The following LPP variants were observed in gnomAD, a reference collection of about 807,000 sequenced individuals.
The protein encoded by LPP is LIM domain containing preferred translocation partner in lipoma, also known as lipoma-preferred partner.
Under a neutral mutation model 60.4 loss-of-function variants are expected in LPP, and 38 were observed. That is an observed-to-expected ratio of 0.63 (90% CI 0.49 to 0.83). LPP has a LOEUF of 0.83. LPP is among the 40% of genes least tolerant of loss of function. LPP has a pLI of 0.00. For synonymous variants in LPP, 328 were observed against 290.8 expected, an observed-to-expected ratio of 1.13 and a Z score of -1.30; for missense variants, 902 against 783.6, an observed-to-expected ratio of 1.15 and a Z score of -1.80.
At chr3:188,319,047 C>T (rs994714178) in intron 2 of LPP, among the ~76,000 whole-genome samples, 13 of 151,962 alleles carry the variant, frequency 8.6e-5, no homozygotes, top group African/African-American at 2.9e-4. Context: ...CGTGAGCCAC[C>T]GCGCCCGGCC....
At chr3:188,399,185 A>G (rs137959190) in intron 3 of LPP, among the ~76,000 whole-genome samples, 1 of 152,334 alleles carries the variant, frequency 6.6e-6, no homozygotes, top group East Asian at 1.9e-4. Context: ...AGCCAAGACT[A>G]GAAGCTGGGT....
chr3:188,430,350 C>T (rs916879352), intron 4 of LPP, among the ~76,000 whole-genome samples: 1 of 152,042 alleles, frequency 6.6e-6, no homozygotes, highest in African/African-American at 2.4e-5. Flanking sequence ...TTTAAGTTAT[C>T]TTACAGCTCT....
At chr3:188,208,464 C>T (rs1733878985) in intron 1 of LPP, 2 of 152,222 alleles carry the variant, frequency 1.3e-5, no homozygotes. Context: ...CTTGAAATAC[C>T]TTGTGCCCTT....
chr3:188,606,237 C>G (rs1282446663), intron 6 of LPP, among the ~76,000 whole-genome samples: 2 of 152,138 alleles, frequency 1.3e-5, no homozygotes, highest in Non-Finnish European at 2.9e-5. Context: ...GACTCCTCTG[C>G]AATTACATGG....
chr3:188,237,957 A>G (rs1011866037), intron 2 of LPP, among the ~76,000 whole-genome samples: 14 of 152,226 alleles, frequency 9.2e-5, no homozygotes, highest in Admixed American at 9.2e-4. Context: ...CCTGGATGGC[A>G]TCTTCTTTCA....
intron 6 of LPP, among the ~76,000 whole-genome samples, chr3:188,603,896 T>C (rs1272868261): frequency 6.6e-6 from 1 of 152,234 alleles, no homozygotes; most frequent in African/African-American, 2.4e-5. Flanking sequence ...TCAATTGTAT[T>C]GTACAAATGA....
At chr3:188,587,484 A>C (rs979531195) in intron 6 of LPP, among the ~76,000 whole-genome samples, 1 of 152,206 alleles carries the variant, frequency 6.6e-6, no homozygotes, top group Admixed American at 6.5e-5. Flanking sequence ...CCAGAGTGCC[A>C]GATGTTAAAT....
chr3:188,760,317 A>G, intron 9 of LPP, 35 bp downstream of exon 9: 1 of 1,611,568 alleles, frequency 6.2e-7, no homozygotes. Context: ...GCACTTTGCA[A>G]AGATGTCTTC....
intron 8 of LPP, chr3:188,709,430 C>G (rs1375163731): frequency 6.6e-6 from 1 of 152,170 alleles, no homozygotes; most frequent in Non-Finnish European, 1.5e-5. Context: ...GATCTTGGCT[C>G]ACTGCAACCT....
Position 188,268,124 on chromosome 3 carries a change from G to A in LPP, c.-67+42597G>A, listed in dbSNP as rs930057599. The stretch of plus-strand genomic sequence containing the variant: ...ATATTTATTCTGCACCTACCTGCAC[G>A]TGACACTCTGCTATTCTTCAGAGAA... On this transcript the variant is annotated intron_variant, in intron 2 of 11. Coordinates refer to ENST00000617246, the MANE Select transcript of LPP (RefSeq NM_001375462.1). Among the ~76,000 whole-genome samples the A allele has an allele frequency of 1.2e-4, 17 of 146,852 alleles. 1 individual carries two copies. In the East Asian group the frequency reaches 2.6e-3, roughly 23 times the overall value.
At position 188,886,318 on chromosome 3, in the gene LPP, T is replaced by TAAAAA. The variant is rs544624721; in HGVS notation, c.*11847_*11851dup. ...AAGTATAATAATAATGAAATAAAAT[T>TAAAAA]AAAAAAAAAAAAGAAAAGTGCCTCA... On this transcript the variant is annotated 3_prime_UTR_variant, in exon 12 of 12. Coordinates refer to ENST00000617246, the MANE Select transcript of LPP (RefSeq NM_001375462.1). 1 of 151,434 alleles carries TAAAAA rather than the reference T, an allele frequency of 6.6e-6. No individual in the cohort carries two copies. Among genetic ancestry groups the TAAAAA allele is most frequent in the Admixed American group, 7.2e-5 (1 of 13,886 alleles). The allele number at this position is 151,434 out of a possible 1,614,324, so 9.4% of individuals were successfully genotyped here.
rs1212557681 is a variant in LPP, at chr3:188,887,403, A to G, written c.*12924A>G. The G allele has an allele frequency of 4.6e-6, 1 of 216,120 alleles. No homozygotes were observed. Among genetic ancestry groups the G allele is most frequent in the Non-Finnish European group, 9.3e-6 (1 of 107,176 alleles). The allele number at this position is 216,120 out of a possible 1,614,324, so 13.4% of individuals were successfully genotyped here. A position where few individuals can be genotyped will look rare whatever the true frequency, so the allele number is the denominator to read the frequency against. ...GAGAGTAGCTTGAGCAGGTTATGAT[A>G]TATCTGCCCAATGTGTTTCATTCCT... On this transcript the variant is annotated 3_prime_UTR_variant, in exon 12 of 12. Coordinates refer to ENST00000617246, the MANE Select transcript of LPP (RefSeq NM_001375462.1).
At chr3:188,741,124 G>T (rs1724245781) in intron 8 of LPP, among the ~76,000 whole-genome samples, 1 of 151,048 alleles carries the variant, frequency 6.6e-6, no homozygotes, top group Non-Finnish European at 1.5e-5. Context: ...AGTAAAGGAA[G>T]CACAGTATTT....
rs1187257468 is a variant in LPP at position 188,252,075 on chromosome 3, T to TAC, written c.-67+26564_-67+26565dup. Among the ~76,000 whole-genome samples, 461 of 58,330 alleles carry TAC rather than the reference T, an allele frequency of 7.9e-3. 3 individuals carry two copies. The highest frequency in any genetic ancestry group is 0.015 in the African/African-American group (208 of 13,514). The allele number at this position is 58,330 out of a possible 152,430, so 38.3% of individuals were successfully genotyped here. On this transcript the variant is annotated intron_variant, in intron 2 of 11. Coordinates refer to ENST00000617246, the MANE Select transcript of LPP (RefSeq NM_001375462.1). ...ATATATATATATATATATATATATA[T>TAC]ACACACACACACACACATATATCAG...
chr3:188,202,047 C>G (rs1577255401), intron 1 of LPP, among the ~76,000 whole-genome samples: 1 of 151,808 alleles, frequency 6.6e-6, no homozygotes, highest in South Asian at 2.1e-4. Flanking sequence ...GCAATAGAAG[C>G]TTCGGTCCCG....
intron 2 of LPP, among the ~76,000 whole-genome samples, chr3:188,276,889 CTTTTCTTTTT>C (rs1251007274): frequency 6.6e-5 from 4 of 60,180 alleles, no homozygotes; most frequent in Non-Finnish European, 9.2e-5. Context: ...CACTTCTTTT[CTTTTCTTTTT>C]TTTTTTTTTT....
At position 188,371,058 on chromosome 3, in the gene LPP, A is replaced by G. The variant is rs139289968; in HGVS notation, c.-10+29339A>G. Among the ~76,000 whole-genome samples, 1,326 of 152,308 alleles carry G rather than the reference A, an allele frequency of 8.7e-3. 17 individuals carry two copies. The highest frequency in any genetic ancestry group is 0.022 in the South Asian group (106 of 4,826). On this transcript the variant is annotated intron_variant, in intron 3 of 11. Transcript: ENST00000617246. Reference sequence around the variant, plus strand: ...ACTCTTGGAGCCCAAAGAAACTGACATAAATCTTATACCACGAACATCTTC... The same window carrying G: ...ACTCTTGGAGCCCAAAGAAACTGACGTAAATCTTATACCACGAACATCTTC...
At chr3:188,181,352 CA>C (rs11330297) in intron 1 of LPP, among the ~76,000 whole-genome samples, 71,274 of 111,464 alleles carry the variant, frequency 0.64, 20,060 homozygotes, top group East Asian at 0.86. Flanking sequence ...AATTCCGTCT[CA>C]AAAAAAAAAA....
intron 2 of LPP, among the ~76,000 whole-genome samples, chr3:188,258,247 TC>T (rs1450801227): frequency 6.6e-6 from 1 of 152,238 alleles, no homozygotes; most frequent in Non-Finnish European, 1.5e-5. Flanking sequence ...TTACTTCCCT[TC>T]CCTTTGAACA....
Sources: allele counts gnomAD v4.1 joint callset (sites outside exome capture counted in the v4.1 genomes callset), GRCh38; gene constraint gnomAD v4.1.1; transcripts MANE v1.5; gene names NCBI Gene and HGNC (gene_info 2026-07-23, HGNC 2026-07-21).